Variants in WWOX observed in about 807,000 individuals in gnomAD.
The protein encoded by WWOX is WW domain-containing oxidoreductase.
A neutral mutation model predicts 46.2 loss-of-function variants in WWOX; 69 were observed. That is an observed-to-expected ratio of 1.49 (90% CI 1.23 to 1.82). The LOEUF (loss-of-function observed/expected upper bound fraction) is 1.82, where lower values mean the gene tolerates loss of function less well. WWOX is among the 40% of genes most tolerant of loss of function. The probability of loss-of-function intolerance (pLI) is 0.00; values close to 1 mark genes in which losing one functional copy is unlikely to be tolerated. For missense variants in WWOX, 919 were observed against 542.6 expected, an observed-to-expected ratio of 1.69 and a Z score of -6.89; for synonymous variants, 359 against 202.6, an observed-to-expected ratio of 1.77 and a Z score of -6.56.
intron 8 of WWOX, among the ~76,000 whole-genome samples, chr16:78,688,299 C>G (rs2047907103): frequency 1.3e-5 from 2 of 149,758 alleles, no homozygotes; most frequent in African/African-American, 2.5e-5. Context: ...AGATCTTAAT[C>G]AGAAATAGGA....
intron 8 of WWOX, among the ~76,000 whole-genome samples, chr16:78,631,594 A>T (rs1597372822): frequency 6.7e-6 from 1 of 148,954 alleles, no homozygotes; most frequent in East Asian, 2.0e-4. Context: ...GGTCTAGCAC[A>T]GTGGCACGAT....
intron 8 of WWOX, among the ~76,000 whole-genome samples, chr16:78,769,701 C>A (rs546077665): frequency 3.3e-5 from 5 of 151,244 alleles, no homozygotes; most frequent in African/African-American, 1.2e-4. Context: ...GTTTTGGCTA[C>A]TAAAGGGTAA....
intron 8 of WWOX, among the ~76,000 whole-genome samples, chr16:79,208,243 C>G (rs1255356437): frequency 1.3e-5 from 2 of 152,198 alleles, no homozygotes; most frequent in Non-Finnish European, 2.9e-5. Flanking sequence ...AAAGATTCTT[C>G]TGGGCTTCCC....
rs565987572 is a variant in WWOX, at chr16:79,047,327, C to T, written c.1057-164281C>T. 3.3e-5 allele frequency among the ~76,000 whole-genome samples: 5 copies of T among 152,228 alleles called. No homozygotes were observed. In the South Asian group the frequency reaches 6.2e-4, roughly 19 times the overall value. On this transcript the variant is annotated intron_variant, in intron 8 of 8. Transcript: ENST00000566780. ...AGTGTTTTCTTAGATTCCCTTGAGC[C>T]GCAATGCTGAAAAGCTTATGGTGGT... is the stretch of plus-strand genomic sequence containing the variant.
chr16:79,057,402 A>G (rs371234375), intron 8 of WWOX, among the ~76,000 whole-genome samples: 5 of 152,332 alleles, frequency 3.3e-5, no homozygotes, highest in African/African-American at 4.8e-5. Flanking sequence ...TAGCATTTTT[A>G]CCAACTGTTT....
intron 5 of WWOX, among the ~76,000 whole-genome samples, chr16:78,225,999 A>G (rs990086322): frequency 6.6e-6 from 1 of 152,132 alleles, no homozygotes; most frequent in Non-Finnish European, 1.5e-5. Flanking sequence ...TATTCCTTTT[A>G]CTGGTACTTC....
chr16:78,815,934 C>T (rs183058392), intron 8 of WWOX, among the ~76,000 whole-genome samples: 243 of 152,298 alleles, frequency 1.6e-3, no homozygotes, highest in African/African-American at 5.4e-3. Flanking sequence ...TTCACTGGCC[C>T]TGCTCTCTCT....
chr16:78,571,367 G>A lies in WWOX; in HGVS notation c.1056+138615G>A, dbSNP rs202062991. 1.3e-4 allele frequency among the ~76,000 whole-genome samples: 19 copies of A among 150,968 alleles called. No individual in the cohort carries two copies. In the East Asian group the frequency reaches 1.7e-3, roughly 14 times the overall value. On this transcript the variant is annotated intron_variant, in intron 8 of 8. Transcript: ENST00000566780. ...CTTTGTGAAATGTCCCATTAAATGT[G>A]TATATATATATATAGTGTGCATTAC...
At chr16:78,432,875 C>T in intron 8 of WWOX, 123 bp downstream of exon 8, 1 of 1,446,518 alleles carries the variant, frequency 6.9e-7, no homozygotes, top group South Asian at 1.2e-5. Flanking sequence ...TTGTCCAGCC[C>T]ATCATAAAGG....
chr16:78,796,330 T>TTC (rs2050736698), intron 8 of WWOX, among the ~76,000 whole-genome samples: 1 of 152,210 alleles, frequency 6.6e-6, no homozygotes, highest in Non-Finnish European at 1.5e-5. Context: ...GCTGGATCCT[T>TTC]TAAGTCCAGA....
chr16:78,823,589 A>C (rs1373143951), intron 8 of WWOX, among the ~76,000 whole-genome samples: 3 of 152,172 alleles, frequency 2.0e-5, no homozygotes, highest in Non-Finnish European at 2.9e-5. Context: ...GCTTCATCTG[A>C]AGTTTAATGG....
At chr16:78,881,787 C>G (rs1364474749) in intron 8 of WWOX, among the ~76,000 whole-genome samples, 1 of 152,186 alleles carries the variant, frequency 6.6e-6, no homozygotes. Context: ...CAGTTGGTTT[C>G]TATAGTGATT....
At position 78,876,205 on chromosome 16, in the gene WWOX, CT is replaced by C. The variant is rs1444836962; in HGVS notation, c.1057-335400del. ...ACGGAAAACACTTAAGGTTTTTTTCCTTTCTTTTTTTTTTTAATTCTTCCGC... is the reference window on the plus strand; with the variant it reads ...ACGGAAAACACTTAAGGTTTTTTTCCTTCTTTTTTTTTTTAATTCTTCCGC... On this transcript the variant is annotated intron_variant, in intron 8 of 8. Transcript: ENST00000566780. Among the ~76,000 whole-genome samples the C allele has an allele frequency of 2.9e-5, 4 of 137,578 alleles. No individual in the cohort carries two copies. The Admixed American group carries it at 3.1e-4, about 11-fold the overall frequency. 90.3% of individuals were successfully genotyped at this position (137,578 alleles called of 152,430 possible). A position where few individuals can be genotyped will look rare whatever the true frequency, so the allele number is the denominator to read the frequency against.
At chr16:78,853,332 T>G (rs1175270066) in intron 8 of WWOX, among the ~76,000 whole-genome samples, 1 of 152,206 alleles carries the variant, frequency 6.6e-6, no homozygotes, top group East Asian at 1.9e-4. Flanking sequence ...GCAATTCTTC[T>G]GCCTCAGCCT....
chr16:78,551,238 A>G (rs934665856), intron 8 of WWOX: 1 of 152,238 alleles, frequency 6.6e-6, no homozygotes, highest in Non-Finnish European at 1.5e-5. Context: ...TGATTTTTGA[A>G]GAAACCTAAT....
In WWOX at chr16:79,110,128, C is replaced by G. The variant is rs1454118499; in HGVS notation, c.1057-101480C>G. The stretch of plus-strand genomic sequence containing the variant: ...GCACCCAGGACCCCCATTTAATCAG[C>G]GACTCCTATGGCTGTTTGGGGGCTC... On this transcript the variant is annotated intron_variant, in intron 8 of 8. Coordinates refer to ENST00000566780, the MANE Select transcript of WWOX (RefSeq NM_016373.4). 3.3e-5 allele frequency among the ~76,000 whole-genome samples: 5 copies of G among 152,110 alleles called. No individual in the cohort carries two copies. In the South Asian group the frequency reaches 1.0e-3, roughly 32 times the overall value.
Position 79,212,110 on chromosome 16 carries a change from C to T in WWOX, c.*314C>T, listed in dbSNP as rs551200148. The T allele has an allele frequency of 1.5e-5, 23 of 1,535,794 alleles. No individual in the cohort carries two copies. The South Asian group carries it at 2.5e-4, about 17-fold the overall frequency. On this transcript the variant is annotated 3_prime_UTR_variant, in exon 9 of 9. Transcript: ENST00000566780. Reference sequence around the variant, plus strand: ...TGGAGAAGCACCAGCAATTCTCTTTCTTTTACTGTTATAGAATAGCCTGAG... The same window carrying T: ...TGGAGAAGCACCAGCAATTCTCTTTTTTTTACTGTTATAGAATAGCCTGAG...
intron 8 of WWOX, among the ~76,000 whole-genome samples, chr16:79,139,172 A>G (rs909862256): frequency 6.6e-6 from 1 of 152,168 alleles, no homozygotes; most frequent in South Asian, 2.1e-4. Context: ...AATAATAATC[A>G]TACCTGGGAT....
intron 8 of WWOX, among the ~76,000 whole-genome samples, chr16:78,912,833 A>G (rs967479673): frequency 2.0e-5 from 3 of 151,986 alleles, no homozygotes; most frequent in Admixed American, 1.3e-4. Context: ...TTCTCCCTCA[A>G]GAGGTCAGAC....
Sources: allele counts gnomAD v4.1 joint callset (sites outside exome capture counted in the v4.1 genomes callset), GRCh38; gene constraint gnomAD v4.1.1; transcripts MANE v1.5; gene names NCBI Gene and HGNC (gene_info 2026-07-23, HGNC 2026-07-21).